The following LRP1B variants were observed in gnomAD, a reference collection of about 807,000 sequenced individuals.
The protein encoded by LRP1B is LDL receptor related protein 1B.
LRP1B carries 217 observed loss-of-function variants against 556.6 expected under a neutral mutation model. That is an observed-to-expected ratio of 0.39 (90% CI 0.35 to 0.44). The LOEUF is 0.44. LRP1B is among the 20% of genes least tolerant of loss of function. LRP1B has a pLI of 1.00. For missense variants in LRP1B, 5,053 were observed against 5,620.8 expected (o/e 0.90, Z 3.23); for synonymous variants, 2,047 against 1,865.8 (o/e 1.10, Z -2.50).
At chr2:140,544,929 C>A (rs565193662) in intron 43 of LRP1B, among the ~76,000 whole-genome samples, 37 of 151,640 alleles carry the variant, frequency 2.4e-4, no homozygotes, top group African/African-American at 8.9e-4. Context: ...AAACATTTTT[C>A]TTTTTCTCTA....
chr2:141,069,930 T>C (rs1241454712), intron 7 of LRP1B, among the ~76,000 whole-genome samples: 1 of 151,024 alleles, frequency 6.6e-6, no homozygotes, highest in East Asian at 2.0e-4. Context: ...ATTAGGTATA[T>C]CTCCTAAAGC....
At chr2:141,028,042 CAG>C (rs1266839600) in intron 11 of LRP1B, among the ~76,000 whole-genome samples, 15 of 152,050 alleles carry the variant, frequency 9.9e-5, no homozygotes, top group Non-Finnish European at 1.5e-4. Flanking sequence ...TCAATTAAGA[CAG>C]AGAAATATAC....
intron 3 of LRP1B, among the ~76,000 whole-genome samples, chr2:141,413,169 G>A (rs889804729): frequency 1.3e-5 from 2 of 152,114 alleles, no homozygotes; most frequent in South Asian, 2.1e-4. Flanking sequence ...CAAGGCTGCA[G>A]GGAGCTACAG....
intron 66 of LRP1B, among the ~76,000 whole-genome samples, chr2:140,433,825 T>A (rs1008107568): frequency 8.8e-6 from 1 of 113,414 alleles, no homozygotes; most frequent in Non-Finnish European, 1.9e-5. Flanking sequence ...ATTTCTTCTG[T>A]TTTTTTTTTC....
chr2:140,936,956 T>A (rs1695246601), intron 20 of LRP1B, among the ~76,000 whole-genome samples: 1 of 152,090 alleles, frequency 6.6e-6, no homozygotes, highest in African/African-American at 2.4e-5. Context: ...CATCAATAAC[T>A]GAAAGGAGTG....
At chr2:141,206,894 C>T (rs1682308097) in intron 6 of LRP1B, among the ~76,000 whole-genome samples, 1 of 152,184 alleles carries the variant, frequency 6.6e-6, no homozygotes, top group South Asian at 2.1e-4. Flanking sequence ...CAGAGTCCAT[C>T]ATCCAGCTTC....
intron 35 of LRP1B, among the ~76,000 whole-genome samples, chr2:140,754,157 C>T (rs577644985): frequency 6.6e-6 from 1 of 152,304 alleles, no homozygotes; most frequent in East Asian, 1.9e-4. Flanking sequence ...GTGCAGAGTT[C>T]AAGCCTAAGT....
chr2:141,895,674 GATTT>G (rs770637410), intron 1 of LRP1B, among the ~76,000 whole-genome samples: 1 of 152,070 alleles, frequency 6.6e-6, no homozygotes, highest in Non-Finnish European at 1.5e-5. Context: ...TATGAAACTA[GATTT>G]ATTTCTCTTT....
At chr2:140,245,196 G>GT (rs1681098039) in intron 87 of LRP1B, among the ~76,000 whole-genome samples, 1 of 151,266 alleles carries the variant, frequency 6.6e-6, no homozygotes. Context: ...ATTGGAAAGG[G>GT]TTACAACTAT....
chr2:140,423,670 T>A (rs190197656), intron 66 of LRP1B, among the ~76,000 whole-genome samples: 2 of 152,256 alleles, frequency 1.3e-5, no homozygotes, highest in East Asian at 3.9e-4. Flanking sequence ...GCATCATTTT[T>A]AAAAACACTA....
At chr2:140,346,918 C>T (rs1416998953) in intron 77 of LRP1B, among the ~76,000 whole-genome samples, 1 of 151,880 alleles carries the variant, frequency 6.6e-6, no homozygotes, top group Non-Finnish European at 1.5e-5. Flanking sequence ...TTATCCTGAA[C>T]ATTCTATTTA....
chr2:141,726,823 C>A (rs142918638), intron 2 of LRP1B, among the ~76,000 whole-genome samples: 3 of 152,126 alleles, frequency 2.0e-5, no homozygotes, highest in African/African-American at 4.8e-5. Context: ...AGAATTGATT[C>A]AAAGTTGAAG....
At chr2:140,846,153 G>A (rs34384768) in intron 29 of LRP1B, among the ~76,000 whole-genome samples, 21,218 of 152,062 alleles carry the variant, frequency 0.14, 1,557 homozygotes, top group Non-Finnish European at 0.15. Flanking sequence ...ATAGCAATAG[G>A]GGAAGTCAAA....
At chr2:141,681,387 A>G (rs1178850403) in intron 2 of LRP1B, among the ~76,000 whole-genome samples, 1 of 152,170 alleles carries the variant, frequency 6.6e-6, no homozygotes, top group Non-Finnish European at 1.5e-5. Flanking sequence ...TCTAAGTAAT[A>G]TGAGAACCTG....
At chr2:140,441,175 A>G (rs11899434) in intron 66 of LRP1B, among the ~76,000 whole-genome samples, 48,777 of 152,026 alleles carry the variant, frequency 0.32, 8,344 homozygotes, top group African/African-American at 0.35. Context: ...TACCAAAACA[A>G]AGTCAAATCA....
At chr2:140,512,976 G>T (rs1321921098) in intron 51 of LRP1B, among the ~76,000 whole-genome samples, 2 of 152,050 alleles carry the variant, frequency 1.3e-5, no homozygotes, top group Admixed American at 1.3e-4. Context: ...ACGTAAATAA[G>T]CTCAGTATTT....
At chr2:140,304,848 T>G (rs13010452) in intron 83 of LRP1B, among the ~76,000 whole-genome samples, 50,327 of 152,086 alleles carry the variant, frequency 0.33, 9,079 homozygotes, top group Non-Finnish European at 0.42. Context: ...TGTAAAGAAG[T>G]GATCCAGTTT....
intron 66 of LRP1B, among the ~76,000 whole-genome samples, chr2:140,424,841 A>T (rs575517233): frequency 6.6e-6 from 1 of 152,356 alleles, no homozygotes; most frequent in African/African-American, 2.4e-5. Context: ...CCTTTAGAAA[A>T]GTTCAGTCAA....
chr2:140,988,135 T>A (rs2105350743), intron 17 of LRP1B, among the ~76,000 whole-genome samples: 3 of 152,166 alleles, frequency 2.0e-5, no homozygotes, highest in Middle Eastern at 3.4e-3. Context: ...AGAAATGACC[T>A]TGGAGACAAA....
Sources: gnomAD v4.1 joint callset for allele counts (sites outside exome capture counted in the v4.1 genomes callset) on GRCh38, gnomAD v4.1.1 for gene constraint, MANE v1.5 for transcripts, NCBI Gene and HGNC (gene_info 2026-07-23, HGNC 2026-07-21) for gene names.